Variants in PRIM2 observed in about 807,000 individuals in gnomAD.
The protein encoded by PRIM2 is DNA primase subunit 2, also known as DNA primase large subunit.
A neutral mutation model predicts 67.3 loss-of-function variants in PRIM2; 39 were observed. That is an observed-to-expected ratio of 0.58 (90% confidence interval 0.45 to 0.76). The LOEUF is 0.76. Ranked by LOEUF, PRIM2 falls within the 30% of genes least tolerant of loss-of-function variation. The pLI, the probability that PRIM2 is intolerant of heterozygous loss-of-function variation, is 0.00. For missense variants in PRIM2, 398 were observed against 598.7 expected, an observed-to-expected ratio of 0.66 and a Z score of 3.50; for synonymous variants, 143 against 198.7, an observed-to-expected ratio of 0.72 and a Z score of 2.36.
the PRIM2 span, among the ~76,000 whole-genome samples, chr6:57,266,266 A>G: frequency 6.6e-6 from 1 of 152,214 alleles, no homozygotes; most frequent in African/African-American, 2.4e-5. Context: ...AAGCATCTCA[A>G]TGTGAAAACT....
chr6:57,543,068 T>C (rs1455647972), intron 10 of PRIM2, among the ~76,000 whole-genome samples: 5 of 146,140 alleles, frequency 3.4e-5, no homozygotes, highest in Non-Finnish European at 7.5e-5. Context: ...GCCTCCCGAG[T>C]AGCTGGGACT....
chr6:57,449,363 T>C (rs1210106470), intron 7 of PRIM2, among the ~76,000 whole-genome samples: 6 of 152,304 alleles, frequency 3.9e-5, no homozygotes, highest in South Asian at 2.1e-4. Context: ...TTATTGTTGT[T>C]CTTAGGCCTG....
chr6:57,478,236 A>G (rs1265295851), intron 7 of PRIM2, among the ~76,000 whole-genome samples: 2 of 152,094 alleles, frequency 1.3e-5, no homozygotes, highest in South Asian at 2.1e-4. Flanking sequence ...GAAATACTGT[A>G]TATTTTTTGT....
At chr6:57,389,331 T>C (rs912947911) in intron 7 of PRIM2, among the ~76,000 whole-genome samples, 5 of 152,138 alleles carry the variant, frequency 3.3e-5, no homozygotes, top group African/African-American at 1.2e-4. Context: ...CCTGGGTTGG[T>C]CTAGAACTCC....
At chr6:57,550,458 T>A (rs1775377684) in intron 10 of PRIM2, among the ~76,000 whole-genome samples, 1 of 152,152 alleles carries the variant, frequency 6.6e-6, no homozygotes, top group Non-Finnish European at 1.5e-5. Flanking sequence ...TTGGGTTAAG[T>A]CTATCATTAG....
At chr6:57,410,326 C>T (rs1348279761) in intron 7 of PRIM2, among the ~76,000 whole-genome samples, 1 of 81,250 alleles carries the variant, frequency 1.2e-5, no homozygotes, top group Non-Finnish European at 2.4e-5. Flanking sequence ...AGTGAAACGC[C>T]ATCTCAAAAA....
chr6:57,259,401 G>T, the PRIM2 span, among the ~76,000 whole-genome samples: 4 of 152,124 alleles, frequency 2.6e-5, no homozygotes, highest in African/African-American at 9.7e-5. Flanking sequence ...AATATGCAAG[G>T]TCTCTTAAGG....
chr6:57,410,390 G>C (rs1771049571), intron 7 of PRIM2, among the ~76,000 whole-genome samples: 1 of 150,244 alleles, frequency 6.7e-6, no homozygotes, highest in Admixed American at 6.6e-5. Flanking sequence ...TTTTTCATTG[G>C]ATTCCCCATT....
At chr6:57,374,170 G>T (rs1436654858) in intron 5 of PRIM2, among the ~76,000 whole-genome samples, 1 of 149,996 alleles carries the variant, frequency 6.7e-6, no homozygotes, top group Non-Finnish European at 1.5e-5. Context: ...TACTTCCTTT[G>T]TTAGCTGTAT....
chr6:57,452,324 G>A (rs1420357764), intron 7 of PRIM2, among the ~76,000 whole-genome samples: 1 of 152,104 alleles, frequency 6.6e-6, no homozygotes. Context: ...GGGTCAAATG[G>A]TATTTCTAGT....
chr6:57,439,532 C>T (rs1289211716), intron 7 of PRIM2, among the ~76,000 whole-genome samples: 1 of 150,086 alleles, frequency 6.7e-6, no homozygotes, highest in Non-Finnish European at 1.5e-5. Flanking sequence ...TCTCCTGCCT[C>T]AGCCTCCCGA....
Position 57,318,607 on chromosome 6 carries a change from C to A in PRIM2, c.154+8C>A. On this transcript the variant is annotated splice_region_variant and intron_variant, in intron 2 of 13. Coordinates refer to ENST00000615550, the MANE Select transcript of PRIM2 (RefSeq NM_000947.5). ...CTATTGATAGAGTTAAATGTAAGTA[C>A]TATTTAAATTAGAATGTATATATTC... 1 of 1,533,762 alleles carries A rather than the reference C, an allele frequency of 6.5e-7. No individual in the cohort carries two copies. The highest frequency in any genetic ancestry group is 8.9e-7 in the Non-Finnish European group (1 of 1,129,812).
At chr6:57,464,363 C>T (rs866032513) in intron 7 of PRIM2, among the ~76,000 whole-genome samples, 4 of 152,062 alleles carry the variant, frequency 2.6e-5, no homozygotes, top group Non-Finnish European at 4.4e-5. Flanking sequence ...CTTCAACCTC[C>T]GTCTCCCAGG....
chr6:57,620,484 G>GA (rs1776832689), intron 12 of PRIM2, among the ~76,000 whole-genome samples: 1 of 151,638 alleles, frequency 6.6e-6, no homozygotes, highest in Non-Finnish European at 1.5e-5. Flanking sequence ...ATGAAGGAAA[G>GA]ATAACAGTCG....
chr6:57,591,906 T>C (rs1417535859), intron 10 of PRIM2, among the ~76,000 whole-genome samples: 67 of 151,952 alleles, frequency 4.4e-4, no homozygotes, highest in African/African-American at 1.6e-3. Flanking sequence ...ATAGCAAAGA[T>C]ATGAAATCAA....
At chr6:57,584,570 C>T (rs1776155950) in intron 10 of PRIM2, among the ~76,000 whole-genome samples, 1 of 152,002 alleles carries the variant, frequency 6.6e-6, no homozygotes, top group South Asian at 2.1e-4. Context: ...CTATGGAGTC[C>T]AGAACTGAAA....
At chr6:57,336,068 G>A (rs1365361283) in intron 5 of PRIM2, among the ~76,000 whole-genome samples, 1 of 152,124 alleles carries the variant, frequency 6.6e-6, no homozygotes, top group African/African-American at 2.4e-5. Flanking sequence ...GAATGCAGAA[G>A]CCTCAGGAGC....
intron 7 of PRIM2, among the ~76,000 whole-genome samples, chr6:57,453,302 GT>G (rs1204778466): frequency 6.6e-6 from 1 of 152,134 alleles, no homozygotes; most frequent in African/African-American, 2.4e-5. Context: ...CTTTAAGGTA[GT>G]TTTTTCCAAT....
intron 7 of PRIM2, among the ~76,000 whole-genome samples, chr6:57,401,224 A>G (rs561977910): frequency 3.9e-4 from 60 of 152,296 alleles, no homozygotes; most frequent in African/African-American, 1.4e-3. Flanking sequence ...TCATCTCTGC[A>G]TATGGCTGTT....
Sources: allele counts gnomAD v4.1 joint callset (sites outside exome capture counted in the v4.1 genomes callset), GRCh38; gene constraint gnomAD v4.1.1; transcripts MANE v1.5; gene names NCBI Gene and HGNC (gene_info 2026-07-23, HGNC 2026-07-21).